ASIC1: variants seen among roughly 807,000 people sequenced by gnomAD.
The protein encoded by ASIC1 is acid-sensing ion channel 1.
Under a neutral mutation model 63.4 loss-of-function variants are expected in ASIC1, and 21 were observed. The observed-to-expected ratio is 0.33, with a 90% CI of 0.23 to 0.48. ASIC1 has a LOEUF of 0.48. ASIC1 is among the 20% of genes least tolerant of loss of function. ASIC1 has a pLI of 0.99. For missense variants in ASIC1, 478 were observed against 695.5 expected (o/e 0.69, Z 3.52); for synonymous variants, 258 against 278.2 (o/e 0.93, Z 0.72).
At chr12:50,072,282 T>C (rs1950607009) in intron 3 of ASIC1, among the ~76,000 whole-genome samples, 1 of 152,192 alleles carries the variant, frequency 6.6e-6, no homozygotes, top group Non-Finnish European at 1.5e-5. Flanking sequence ...CTGCTCCTCC[T>C]CTGGCCCTGC....
At chr12:50,081,073 A>G (rs781261483) in intron 9 of ASIC1, 29 bp from the exon 10 acceptor site, 21 of 1,553,132 alleles carry the variant, frequency 1.4e-5, no homozygotes, top group Non-Finnish European at 1.8e-5. Flanking sequence ...TCCTGACCCC[A>G]CTGACCCCCC....
At chr12:50,070,381 C>T (rs977409731) in intron 3 of ASIC1, among the ~76,000 whole-genome samples, 2 of 149,870 alleles carry the variant, frequency 1.3e-5, no homozygotes, top group African/African-American at 4.9e-5. Flanking sequence ...GGGGTGTGTG[C>T]GTGTTGGGGT....
At position 50,081,789 on chromosome 12, in the gene ASIC1, A is replaced by C; in HGVS notation, c.*140A>C. 1.4e-6 allele frequency: 1 copy of C among 711,350 alleles called. No individual in the cohort carries two copies. Among genetic ancestry groups the C allele is most frequent in the Non-Finnish European group, 2.3e-6 (1 of 429,472 alleles). 44.1% of individuals were successfully genotyped at this position (711,350 alleles called of 1,614,324 possible). ...TTCCTCTTGTCTGTGGTAAGGAAGG[A>C]GTCTTGACCATAGAGTCCTCTCTCT... is the stretch of plus-strand genomic sequence containing the variant. On this transcript the variant is annotated 3_prime_UTR_variant, in exon 12 of 12. Coordinates refer to ENST00000447966, the MANE Select transcript of ASIC1 (RefSeq NM_001095.4).
intron 9 of ASIC1, 132 bp from the exon 10 acceptor site, chr12:50,080,969 TG>T: frequency 2.2e-6 from 2 of 896,450 alleles, no homozygotes; most frequent in Non-Finnish European, 3.4e-6. Context: ...CACCTGAATC[TG>T]GCTTTGCGAT....
chr12:50,079,118 A>G, intron 7 of ASIC1, 138 bp downstream of exon 7: 2 of 858,344 alleles, frequency 2.3e-6, no homozygotes, highest in Non-Finnish European at 3.6e-6. Flanking sequence ...GTCTGACATT[A>G]AAGCTGAGAA....
chr12:50,074,207 A>G lies in ASIC1; in HGVS notation c.559-3006A>G. The stretch of plus-strand genomic sequence containing the variant: ...GAGGACATGCTGCTCTATTGCTCCT[A>G]CCAAGGGGGACCCTGCGGCCCTCAC... On this transcript the variant is annotated intron_variant, in intron 3 of 11. Coordinates refer to ENST00000447966, the MANE Select transcript of ASIC1 (RefSeq NM_001095.4). This position sits in a 1 kb window ranked among gnomAD's most constrained non-coding sequence, Gnocchi z 4.2. 6.6e-7 allele frequency: 1 copy of G among 1,513,922 alleles called. No individual in the cohort carries two copies. The highest frequency in any genetic ancestry group is 1.4e-5 in the African/African-American group (1 of 72,254). 93.8% of individuals were successfully genotyped at this position (1,513,922 alleles called of 1,614,324 possible).
At chr12:50,069,256 T>TTTTATTTATTTATTTA (rs58172412) in intron 3 of ASIC1, among the ~76,000 whole-genome samples, 1 of 146,300 alleles carries the variant, frequency 6.8e-6, no homozygotes, top group Non-Finnish European at 1.5e-5. Context: ...TTATTTTTTA[T>TTTTATTTATTTATTTA]TTTATTTATT....
chr12:50,067,850 A>G (rs1950561225), intron 3 of ASIC1, among the ~76,000 whole-genome samples: 1 of 152,044 alleles, frequency 6.6e-6, no homozygotes. Flanking sequence ...TGTCATCACT[A>G]CTCAAGGCTC....
intron 3 of ASIC1, chr12:50,073,995 C>G (rs1950627173): frequency 6.5e-7 from 1 of 1,535,618 alleles, no homozygotes; most frequent in Non-Finnish European, 8.7e-7. Flanking sequence ...CGGCAGTCAC[C>G]CTCTGCAACA....
rs1452992536 is a variant in ASIC1 at position 50,074,958 on chromosome 12, G to A, written c.559-2255G>A. Among the ~76,000 whole-genome samples the A allele has an allele frequency of 6.6e-6, 1 of 151,618 alleles. No homozygotes were observed. Among genetic ancestry groups the A allele is most frequent in the Non-Finnish European group, 1.5e-5 (1 of 67,956 alleles). ...ATCATATCCCTCTCCCCAGCTTTAA[G>A]TGGCCAGGGACCCTCTTCCTAGGGG... On this transcript the variant is annotated intron_variant, in intron 3 of 11. Coordinates refer to ENST00000447966, the MANE Select transcript of ASIC1 (RefSeq NM_001095.4). This position sits in a 1 kb window ranked among gnomAD's most constrained non-coding sequence, Gnocchi z 4.2.
intron 3 of ASIC1, among the ~76,000 whole-genome samples, chr12:50,064,321 C>A (rs1950527005): frequency 6.6e-6 from 1 of 152,076 alleles, no homozygotes; most frequent in Admixed American, 6.6e-5. Flanking sequence ...TTGCAGGAAT[C>A]CAGTGGGTGG....
chr12:50,074,805 G>A lies in ASIC1; in HGVS notation c.559-2408G>A, dbSNP rs1950637231. 6.6e-6 allele frequency among the ~76,000 whole-genome samples: 1 copy of A among 151,646 alleles called. No individual in the cohort carries two copies. Among genetic ancestry groups the A allele is most frequent in the Non-Finnish European group, 1.5e-5 (1 of 67,964 alleles). On this transcript the variant is annotated intron_variant, in intron 3 of 11. Coordinates refer to ENST00000447966, the MANE Select transcript of ASIC1 (RefSeq NM_001095.4). This position sits in a 1 kb window ranked among gnomAD's most constrained non-coding sequence, Gnocchi z 4.2. ...CATCTCCTGCAGCAGGGACTTCATT[G>A]CATCTTCACTTGGTCTTCCTGTGCC...
chr12:50,081,268 G>A lies in ASIC1; in HGVS notation c.1386G>A (p.Lys462=), dbSNP rs755340335. 9.9e-6 allele frequency: 16 copies of A among 1,608,366 alleles called. No homozygotes were observed. In the South Asian group the frequency reaches 1.3e-4, roughly 13 times the overall value. Residue 462 remains lysine, a synonymous_variant, in exon 11 of 12, where the codon AAG becomes AAA. Transcript: ENST00000447966. The part of the protein sequence containing the change: ...ELFDYAYEVI[K]HKLCRRGKCQ... Reference sequence around the variant, plus strand: ...CCCCGTCCCCGTCCTAGGTCATTAAGCACAAGCTGTGCCGACGAGGAAAAT... The same window carrying A: ...CCCCGTCCCCGTCCTAGGTCATTAAACACAAGCTGTGCCGACGAGGAAAAT...
chr12:50,074,245 G>A lies in ASIC1; in HGVS notation c.559-2968G>A, dbSNP rs1408115030. ...CTGCGGCCCTCACAACTTCTCAGTG[G>A]TGAGTGGAGCCCCATGCCTGCCACA... On this transcript the variant is annotated intron_variant, in intron 3 of 11. Coordinates refer to ENST00000447966, the MANE Select transcript of ASIC1 (RefSeq NM_001095.4). This position sits in a 1 kb window ranked among gnomAD's most constrained non-coding sequence, Gnocchi z 4.2. 2.7e-6 allele frequency: 4 copies of A among 1,472,630 alleles called. No homozygotes were observed. The highest frequency in any genetic ancestry group is 2.4e-5 in the Admixed American group (1 of 42,168). The allele number at this position is 1,472,630 out of a possible 1,614,324, so 91.2% of individuals were successfully genotyped here. A position where few individuals can be genotyped will look rare whatever the true frequency, so the allele number is the denominator to read the frequency against.
chr12:50,080,688 C>T (rs1458057684), intron 9 of ASIC1, 99 bp downstream of exon 9: 1 of 1,613,950 alleles, frequency 6.2e-7, no homozygotes, highest in Non-Finnish European at 8.5e-7. Context: ...CCATGAGGGT[C>T]CTCCACCCCA....
At chr12:50,080,685 G>T (rs146891995) in intron 9 of ASIC1, 96 bp downstream of exon 9, 3 of 1,614,092 alleles carry the variant, frequency 1.9e-6, no homozygotes, top group Non-Finnish European at 2.5e-6. Flanking sequence ...GTCCCATGAG[G>T]GTCCTCCACC....
Position 50,070,328 on chromosome 12 carries a change from C to T in ASIC1, c.559-6885C>T, listed in dbSNP as rs571610648. ...GCATTTGTTTGAACAAGCATACAGG[C>T]GATGGAGGAGAGAGGACATGCAGTT... On this transcript the variant is annotated intron_variant, in intron 3 of 11. Transcript: ENST00000447966. 2.0e-5 allele frequency among the ~76,000 whole-genome samples: 3 copies of T among 151,770 alleles called. No homozygotes were observed. In the South Asian group the frequency reaches 6.3e-4, roughly 32 times the overall value.
intron 3 of ASIC1, among the ~76,000 whole-genome samples, chr12:50,064,541 G>A (rs1272944224): frequency 6.6e-6 from 1 of 152,184 alleles, no homozygotes; most frequent in Admixed American, 6.5e-5. Context: ...TAAAGCAATA[G>A]GGAATTCAGT....
intron 3 of ASIC1, among the ~76,000 whole-genome samples, chr12:50,062,062 C>A (rs897427900): frequency 1.8e-4 from 28 of 152,176 alleles, no homozygotes; most frequent in African/African-American, 6.5e-4. Flanking sequence ...GGACTCAAAC[C>A]TCTCACTCCT....
Sources: gnomAD v4.1 joint callset for allele counts (sites outside exome capture counted in the v4.1 genomes callset) on GRCh38, gnomAD v4.1.1 for gene constraint, Gnocchi (gnomAD v3.1) non-coding constraint, MANE v1.5 for transcripts, NCBI Gene and HGNC (gene_info 2026-07-23, HGNC 2026-07-21) for gene names.